GRIN2A: variants seen among roughly 807,000 people sequenced by gnomAD.
GRIN2A encodes the protein glutamate receptor ionotropic, NMDA 2A.
A neutral mutation model predicts 113.4 loss-of-function variants in GRIN2A; 22 were observed. The ratio of observed to expected loss-of-function variants is 0.19; its 90% CI spans 0.14 to 0.28. The LOEUF (loss-of-function observed/expected upper bound fraction) is 0.28. Among genes scored for constraint, GRIN2A ranks in the 10% least tolerant of loss-of-function variants. The pLI is 1.00. For synonymous variants in GRIN2A, 827 were observed against 738.4 expected, an observed-to-expected ratio of 1.12 and a Z score of -1.94; for missense variants, 1,502 against 1,887.0, an observed-to-expected ratio of 0.80 and a Z score of 3.78.
chr16:9,822,241 G>A (rs2042299868), intron 10 of GRIN2A, 23 bp downstream of exon 10: 1 of 1,611,988 alleles, frequency 6.2e-7, no homozygotes, highest in Admixed American at 1.7e-5. Flanking sequence ...GACCTGTGGT[G>A]AAAAGGAAAC....
In GRIN2A at chr16:9,840,961, T is replaced by C. The variant is rs2141344801; in HGVS notation, c.1472A>G (p.Asn491Ser). The part of the protein sequence containing the change: ...TNGKHGKKVN[N>S]VWNGMIGEVV... ...TTCACCGATCATTCCATTCCACACA[T>C]TGTTAACTTTCTTGCCATGCTTCCC... The change falls in exon 6 of 13, where the codon AAT (asparagine) becomes AGT (serine). Residue 491 changes from asparagine (N) to serine (S), a missense_variant. By Grantham distance (46) the Asn-to-Ser change is conservative. This residue lies in a region of GRIN2A where 82 missense variants were observed against 222.7 expected (regional missense o/e 0.37). Coordinates refer to ENST00000330684, the MANE Select transcript of GRIN2A (RefSeq NM_001134407.3). 1.2e-6 allele frequency: 2 copies of C among 1,614,042 alleles called. No individual in the cohort carries two copies. Among genetic ancestry groups the C allele is most frequent in the Non-Finnish European group, 1.7e-6 (2 of 1,179,940 alleles).
In GRIN2A at chr16:9,849,805, C is replaced by G. The variant is rs560839364; in HGVS notation, c.1279G>C (p.Glu427Gln). The G allele has an allele frequency of 1.9e-6, 3 of 1,614,026 alleles. No homozygotes were observed. The highest frequency in any genetic ancestry group is 3.3e-5 in the Admixed American group (2 of 60,008). The change falls in exon 5 of 13, where the codon GAG (glutamate) becomes CAG (glutamine). Residue 427 changes from glutamate (E) to glutamine (Q), a missense_variant. Coordinates refer to ENST00000330684, the MANE Select transcript of GRIN2A (RefSeq NM_001134407.3). ...VIVEDIDPLTETCVRNTVPCR... is the reference protein window; with the variant it reads ...VIVEDIDPLTQTCVRNTVPCR... The stretch of plus-strand genomic sequence containing the variant: ...GGCACGGTGTTCCTCACACACGTCT[C>G]GGTCAGGGGGTCTATGTCTTCCACG...
rs112763619 is a variant in GRIN2A at position 10,068,841 on chromosome 16, A to C, written c.414+111157T>G. Reference sequence around the variant, plus strand: ...AAGCGACATTGAAGCAGAGACCTGAAGGATGGCAGAGTTTTGGGGATTGGT... The same window carrying C: ...AAGCGACATTGAAGCAGAGACCTGACGGATGGCAGAGTTTTGGGGATTGGT... On this transcript the variant is annotated intron_variant, in intron 2 of 12. Coordinates refer to ENST00000330684, the MANE Select transcript of GRIN2A (RefSeq NM_001134407.3). 8.3e-3 allele frequency among the ~76,000 whole-genome samples: 1,270 copies of C among 152,334 alleles called. 17 individuals are homozygous for C. Among genetic ancestry groups the C allele is most frequent in the African/African-American group, 0.029 (1,207 of 41,568 alleles).
chr16:10,038,313 A>G (rs12445241), intron 2 of GRIN2A, among the ~76,000 whole-genome samples: 32,779 of 151,966 alleles, frequency 0.22, 4,230 homozygotes, highest in East Asian at 0.52. Flanking sequence ...TTGGAGATCA[A>G]GATTTCAACA....
At chr16:10,103,866 T>G (rs2142118154) in intron 2 of GRIN2A, among the ~76,000 whole-genome samples, 1 of 152,284 alleles carries the variant, frequency 6.6e-6, no homozygotes, top group Middle Eastern at 3.4e-3. Flanking sequence ...TTCAAATAAT[T>G]GGGTATAGCA....
At chr16:10,170,880 T>TA (rs34463380) in intron 2 of GRIN2A, among the ~76,000 whole-genome samples, 21,478 of 143,508 alleles carry the variant, frequency 0.15, 2,010 homozygotes, top group South Asian at 0.22. Context: ...CTGTTTTCTT[T>TA]AAAAAAAAAA....
At chr16:9,785,121 C>T (rs376177565) in intron 11 of GRIN2A, among the ~76,000 whole-genome samples, 17 of 152,032 alleles carry the variant, frequency 1.1e-4, no homozygotes, top group Non-Finnish European at 1.9e-4. Context: ...ATCATGCTGC[C>T]ATAAAGACAC....
chr16:9,998,276 T>C (rs1277129363), intron 2 of GRIN2A, among the ~76,000 whole-genome samples: 1 of 152,156 alleles, frequency 6.6e-6, no homozygotes, highest in Non-Finnish European at 1.5e-5. Flanking sequence ...GAAAACGTCA[T>C]GATAAACGAC....
chr16:9,919,385 A>G (rs1335585599), intron 3 of GRIN2A, among the ~76,000 whole-genome samples: 1 of 152,166 alleles, frequency 6.6e-6, no homozygotes, highest in Non-Finnish European at 1.5e-5. Flanking sequence ...CATATATCAT[A>G]TAGCTCAGAA....
chr16:10,113,283 C>A (rs1173883122), intron 2 of GRIN2A, among the ~76,000 whole-genome samples: 4 of 152,210 alleles, frequency 2.6e-5, no homozygotes, highest in African/African-American at 9.6e-5. Flanking sequence ...CTGCCTCTGG[C>A]TCTTCCCGGG....
chr16:9,875,920 C>G (rs923718692), intron 4 of GRIN2A, among the ~76,000 whole-genome samples: 3 of 152,188 alleles, frequency 2.0e-5, no homozygotes, highest in African/African-American at 7.2e-5. Flanking sequence ...AATGCTGTAA[C>G]TAGCAGTGCA....
chr16:10,120,973 A>T (rs1009587849), intron 2 of GRIN2A, among the ~76,000 whole-genome samples: 1 of 152,124 alleles, frequency 6.6e-6, no homozygotes, highest in Admixed American at 6.5e-5. Context: ...CACGATGCTA[A>T]CTGAAAAATC....
chr16:9,910,584 C>T (rs1010535721), intron 3 of GRIN2A, among the ~76,000 whole-genome samples: 5 of 140,604 alleles, frequency 3.6e-5, no homozygotes, highest in African/African-American at 1.3e-4. Context: ...GTTGCCCAGG[C>T]TGGAGTGCAG....
At chr16:9,903,922 A>G (rs770478648) in intron 3 of GRIN2A, among the ~76,000 whole-genome samples, 12 of 152,196 alleles carry the variant, frequency 7.9e-5, no homozygotes, top group Non-Finnish European at 1.3e-4. Context: ...TAGCCTGAAC[A>G]ATGTTATCAC....
At chr16:9,787,279 T>C (rs118172415) in intron 11 of GRIN2A, among the ~76,000 whole-genome samples, 1 of 152,298 alleles carries the variant, frequency 6.6e-6, no homozygotes, top group Non-Finnish European at 1.5e-5. Flanking sequence ...TCTCCACAAC[T>C]CCTTCTCTTA....
At chr16:9,826,762 T>C (rs1368015945) in intron 9 of GRIN2A, among the ~76,000 whole-genome samples, 1 of 152,222 alleles carries the variant, frequency 6.6e-6, no homozygotes, top group Admixed American at 6.5e-5. Flanking sequence ...GCTTTGTCTC[T>C]TGAGGATATG....
intron 2 of GRIN2A, among the ~76,000 whole-genome samples, chr16:9,975,432 A>C (rs1449368934): frequency 3.3e-5 from 5 of 152,210 alleles, no homozygotes. Flanking sequence ...AAAGTGTCAG[A>C]AGATCTTCAT....
At chr16:9,839,595 C>G (rs550116103) in intron 7 of GRIN2A, among the ~76,000 whole-genome samples, 1 of 152,268 alleles carries the variant, frequency 6.6e-6, no homozygotes. Flanking sequence ...ACTCTTACAT[C>G]TAGCAAATAA....
chr16:10,045,524 TA>T (rs1376447044), intron 2 of GRIN2A, among the ~76,000 whole-genome samples: 1 of 152,178 alleles, frequency 6.6e-6, no homozygotes, highest in Non-Finnish European at 1.5e-5. Flanking sequence ...CACCATCAGT[TA>T]ATCCTGACTG....
Sources: gnomAD v4.1 joint callset for allele counts (sites outside exome capture counted in the v4.1 genomes callset) on GRCh38, gnomAD v4.1.1 for gene constraint, gnomAD v4.1.1 regional missense constraint, MANE v1.5 for transcripts, NCBI Gene and HGNC (gene_info 2026-07-23, HGNC 2026-07-21) for gene names.